ACADM: variants seen among roughly 807,000 people sequenced by gnomAD.
The protein encoded by ACADM is acyl-CoA dehydrogenase medium chain.
Under a neutral mutation model 58.9 loss-of-function variants are expected in ACADM, and 49 were observed. The observed-to-expected ratio is 0.83, with a 90% confidence interval of 0.66 to 1.06. The LOEUF is 1.06. ACADM is among the 50% of genes least tolerant of loss of function. The pLI, the probability that ACADM is intolerant of heterozygous loss-of-function variation, is 0.00. For synonymous variants in ACADM, 160 were observed against 157.7 expected (o/e 1.01, Z -0.11); for missense variants, 496 against 507.0 (o/e 0.98, Z 0.21).
chr1:75,740,863 T>C (rs1208844738), intron 7 of ACADM, among the ~76,000 whole-genome samples: 1 of 152,206 alleles, frequency 6.6e-6, no homozygotes, highest in African/African-American at 2.4e-5. Context: ...CATGTAAGTA[T>C]CTTGCATTAG....
At chr1:75,742,701 A>G (rs151140800) in intron 7 of ACADM, among the ~76,000 whole-genome samples, 3 of 152,272 alleles carry the variant, frequency 2.0e-5, no homozygotes, top group African/African-American at 7.2e-5. Flanking sequence ...TTGTGCCAAG[A>G]TGAGTCTTCT....
intron 6 of ACADM, among the ~76,000 whole-genome samples, chr1:75,739,311 A>T (rs185388440): frequency 8.3e-4 from 126 of 152,334 alleles, no homozygotes; most frequent in African/African-American, 2.9e-3. Flanking sequence ...GAAAATCTCT[A>T]GGACTGAATG....
chr1:75,733,382 C>A, intron 4 of ACADM, 146 bp from the exon 5 acceptor site: 1 of 964,094 alleles, frequency 1.0e-6, no homozygotes, highest in Non-Finnish European at 1.5e-6. Flanking sequence ...TCTTATTGTG[C>A]CAGCCAGAAC....
chr1:75,748,372 T>C (rs1406714754), intron 8 of ACADM, among the ~76,000 whole-genome samples: 1 of 152,176 alleles, frequency 6.6e-6, no homozygotes, highest in Non-Finnish European at 1.5e-5. Flanking sequence ...CATACACTTA[T>C]CACATAACCA....
chr1:75,761,985 G>A (rs1194400120), intron 11 of ACADM, among the ~76,000 whole-genome samples: 1 of 152,178 alleles, frequency 6.6e-6, no homozygotes, highest in Non-Finnish European at 1.5e-5. Context: ...TACTGAGTTC[G>A]AATCAAAATG....
At chr1:75,730,242 T>C (rs1210782279) in intron 2 of ACADM, among the ~76,000 whole-genome samples, 1 of 152,188 alleles carries the variant, frequency 6.6e-6, no homozygotes, top group African/African-American at 2.4e-5. Flanking sequence ...TATGATTGCT[T>C]GTCACTTTAA....
chr1:75,749,716 T>C (rs1044626945), intron 9 of ACADM, among the ~76,000 whole-genome samples, 157 bp downstream of exon 9: 8 of 145,628 alleles, frequency 5.5e-5, no homozygotes, highest in East Asian at 4.0e-4. Context: ...TTCTTTCTTT[T>C]TTTTTTTTTT....
chr1:75,741,551 C>T (rs888847994), intron 7 of ACADM, among the ~76,000 whole-genome samples: 2 of 152,116 alleles, frequency 1.3e-5, no homozygotes, highest in Admixed American at 6.6e-5. Flanking sequence ...TGCTTGAGCC[C>T]AGGGGTTCAA....
intron 7 of ACADM, among the ~76,000 whole-genome samples, chr1:75,740,655 C>T (rs935352721): frequency 1.6e-4 from 24 of 151,842 alleles, no homozygotes; most frequent in African/African-American, 4.1e-4. Context: ...AAAAAACACT[C>T]GATTATTTGT....
intron 11 of ACADM, among the ~76,000 whole-genome samples, chr1:75,762,278 T>C (rs1198098198): frequency 6.7e-6 from 1 of 149,774 alleles, no homozygotes. Context: ...TTAGCAACTC[T>C]GTTCCACAGG....
chr1:75,756,426 CAGAG>C (rs1570902463), intron 10 of ACADM, among the ~76,000 whole-genome samples: 1 of 151,850 alleles, frequency 6.6e-6, no homozygotes, highest in African/African-American at 2.4e-5. Flanking sequence ...CAACAACACA[CAGAG>C]AGCCAAATCA....
In ACADM at chr1:75,749,570, T is replaced by C. The variant is rs768880089; in HGVS notation, c.849+11T>C. 4 of 1,611,678 alleles carry C rather than the reference T, an allele frequency of 2.5e-6. No individual in the cohort carries two copies. The African/African-American group carries it at 4.0e-5, about 16-fold the overall frequency. On this transcript the variant is annotated intron_variant, in intron 9 of 11. Transcript: ENST00000370841. ...AAAACCAGACCTGTAGTAAGTAATA[T>C]GGGTTCATAATCTTTATAGGATCTT...
chr1:75,738,063 C>T (rs572202858), intron 6 of ACADM, among the ~76,000 whole-genome samples: 2 of 151,838 alleles, frequency 1.3e-5, no homozygotes, highest in East Asian at 1.9e-4. Context: ...ACTACAGGTG[C>T]GTGCCACCAC....
At chr1:75,734,376 C>T (rs1647204321) in intron 5 of ACADM, among the ~76,000 whole-genome samples, 1 of 150,980 alleles carries the variant, frequency 6.6e-6, no homozygotes, top group Non-Finnish European at 1.5e-5. Context: ...GGGGTGTCAC[C>T]CTGTTGGCCA....
In ACADM at chr1:75,724,737, C is replaced by T. The variant is rs766010315; in HGVS notation, c.-51C>T. On this transcript the variant is annotated 5_prime_UTR_variant, in exon 1 of 12. Coordinates refer to ENST00000370841, the MANE Select transcript of ACADM (RefSeq NM_000016.6). ...GGAGTCCCGCGTTCGGGGAGTATGT[C>T]AAGGCCGTGACCCGTGTATTATTGT... 8 of 1,542,888 alleles carry T rather than the reference C, an allele frequency of 5.2e-6. No homozygotes were observed. The highest frequency in any genetic ancestry group is 1.7e-4 in the Middle Eastern group (1 of 5,818).
At chr1:75,740,252 C>T in intron 7 of ACADM, 142 bp downstream of exon 7, 1 of 789,486 alleles carries the variant, frequency 1.3e-6, no homozygotes, top group South Asian at 1.6e-5. Context: ...ATAAACAGTT[C>T]AGTGATTTTC....
At position 75,724,783 on chromosome 1, in the gene ACADM, C is replaced by A; in HGVS notation, c.-5C>A. 6.6e-7 allele frequency: 1 copy of A among 1,522,988 alleles called. No homozygotes were observed. The highest frequency in any genetic ancestry group is 8.8e-7 in the Non-Finnish European group (1 of 1,134,096). 94.3% of individuals were successfully genotyped at this position (1,522,988 alleles called of 1,614,324 possible). Reference sequence around the variant, plus strand: ...ATTGTCCGAGTGGCCGGAACGGGAGCCAACATGGCAGCGGGGTTCGGGCGA... The same window carrying A: ...ATTGTCCGAGTGGCCGGAACGGGAGACAACATGGCAGCGGGGTTCGGGCGA... On this transcript the variant is annotated 5_prime_UTR_variant, in exon 1 of 12. Coordinates refer to ENST00000370841, the MANE Select transcript of ACADM (RefSeq NM_000016.6).
At chr1:75,737,554 T>C (rs1647339705) in intron 6 of ACADM, among the ~76,000 whole-genome samples, 1 of 151,938 alleles carries the variant, frequency 6.6e-6, no homozygotes, top group Non-Finnish European at 1.5e-5. Flanking sequence ...GGACAACTCC[T>C]TAATTTGTCA....
Position 75,762,726 on chromosome 1 carries a change from T to C in ACADM, c.1229T>C (p.Ile410Thr), listed in dbSNP as rs1361089796. Residue 410 changes from isoleucine to threonine, a missense_variant, in exon 12 of 12, where the codon ATT becomes ACT. Ile to Thr is a moderately conservative substitution (Grantham distance 89). Transcript: ENST00000370841. ...GGTACTTCACAAATTCAAAGACTTA[T>C]TGTAGCCCGTGAACACATTGACAAG... ...YEGTSQIQRL[I>T]VAREHIDKYK... The C allele has an allele frequency of 2.5e-6, 4 of 1,608,568 alleles. No homozygotes were observed. The highest frequency in any genetic ancestry group is 1.3e-5 in the African/African-American group (1 of 74,928).
Sources: allele counts gnomAD v4.1 joint callset (sites outside exome capture counted in the v4.1 genomes callset), GRCh38; gene constraint gnomAD v4.1.1; transcripts MANE v1.5; gene names NCBI Gene and HGNC (gene_info 2026-07-23, HGNC 2026-07-21).